Variants in TRIM23 observed in about 807,000 individuals in gnomAD.
TRIM23 encodes the protein E3 ubiquitin-protein ligase TRIM23.
In TRIM23, 27 loss-of-function variants were observed where a neutral mutation model predicts 71.0. The observed-to-expected ratio is 0.38, with a 90% confidence interval of 0.28 to 0.52. The LOEUF is 0.52. TRIM23 is among the 20% of genes least tolerant of loss of function. The probability of loss-of-function intolerance (pLI) is 0.84; values close to 1 mark genes in which losing one functional copy is unlikely to be tolerated. For synonymous variants in TRIM23, 234 were observed against 238.0 expected (o/e 0.98, Z 0.16); for missense variants, 482 against 692.3 (o/e 0.70, Z 3.41).
chr5:65,624,102 A>G (rs1755040129), intron 1 of TRIM23, 92 bp downstream of exon 1: 1 of 1,513,692 alleles, frequency 6.6e-7, no homozygotes, highest in Middle Eastern at 1.7e-4. Flanking sequence ...CATCCCACCT[A>G]TCGAAGCCTG....
intron 2 of TRIM23, among the ~76,000 whole-genome samples, chr5:65,615,192 G>A (rs995367244): frequency 1.3e-5 from 2 of 152,032 alleles, no homozygotes; most frequent in South Asian, 2.1e-4. Flanking sequence ...GTGAGCCACC[G>A]TGCCCAGCCT....
At chr5:65,619,263 G>A (rs941854553) in intron 1 of TRIM23, among the ~76,000 whole-genome samples, 1 of 152,086 alleles carries the variant, frequency 6.6e-6, no homozygotes, top group Admixed American at 6.6e-5. Context: ...TAACACTGAG[G>A]AAAGGACTAT....
intron 6 of TRIM23, 105 bp downstream of exon 6, chr5:65,609,138 G>T: frequency 1.8e-6 from 2 of 1,124,638 alleles, no homozygotes; most frequent in Non-Finnish European, 2.6e-6. Context: ...CAAAGTTACT[G>T]CATACAGCAG....
chr5:65,616,720 T>C (rs1412422777), intron 2 of TRIM23, among the ~76,000 whole-genome samples: 4 of 151,654 alleles, frequency 2.6e-5, no homozygotes, highest in African/African-American at 9.7e-5. Flanking sequence ...TTAAGCATAG[T>C]TTTTTTGTTT....
intron 2 of TRIM23, among the ~76,000 whole-genome samples, chr5:65,614,789 C>G (rs1485144227): frequency 1.3e-5 from 2 of 151,598 alleles, no homozygotes; most frequent in African/African-American, 4.8e-5. Context: ...GTGGTAAAGG[C>G]TGCACAACAA....
At chr5:65,606,333 C>G (rs143044235) in intron 6 of TRIM23, among the ~76,000 whole-genome samples, 3 of 152,156 alleles carry the variant, frequency 2.0e-5, no homozygotes, top group Admixed American at 6.5e-5. Context: ...GTAGTCCAGG[C>G]TACTCAGGAG....
Position 65,590,036 on chromosome 5 carries a change from A to G in TRIM23, c.*1733T>C. 1 of 330,240 alleles carries G rather than the reference A, an allele frequency of 3.0e-6. No homozygotes were observed. Among genetic ancestry groups the G allele is most frequent in the East Asian group, 5.0e-5 (1 of 20,170 alleles). 20.5% of individuals were successfully genotyped at this position (330,240 alleles called of 1,614,324 possible). On this transcript the variant is annotated 3_prime_UTR_variant, in exon 11 of 11. Coordinates refer to ENST00000231524, the MANE Select transcript of TRIM23 (RefSeq NM_001656.4). Reference sequence around the variant, plus strand: ...AAACACCTACCATTATACATACATTATAATCAGGCACAATTTTTCAACTGT... The same window carrying G: ...AAACACCTACCATTATACATACATTGTAATCAGGCACAATTTTTCAACTGT...
At chr5:65,594,390 A>C in intron 10 of TRIM23, 131 bp downstream of exon 10, 2 of 1,212,030 alleles carry the variant, frequency 1.7e-6, no homozygotes, top group Non-Finnish European at 2.3e-6. Context: ...ATTTTCACAT[A>C]GATTGTACTC....
At chr5:65,600,844 T>C (rs1754342765) in intron 7 of TRIM23, among the ~76,000 whole-genome samples, 1 of 151,884 alleles carries the variant, frequency 6.6e-6, no homozygotes, top group Admixed American at 6.6e-5. Flanking sequence ...AGGACAGAAA[T>C]AGACATATTC....
At chr5:65,595,257 T>A (rs1028690908) in intron 9 of TRIM23, among the ~76,000 whole-genome samples, 1 of 151,050 alleles carries the variant, frequency 6.6e-6, no homozygotes, top group East Asian at 2.0e-4. Flanking sequence ...TAAAAAAAAA[T>A]TAAAAATTAG....
At position 65,593,160 on chromosome 5, in the gene TRIM23, C is replaced by T. The variant is rs77873416; in HGVS notation, c.1546-1212G>A. Among the ~76,000 whole-genome samples, 846 of 152,226 alleles carry T rather than the reference C, an allele frequency of 5.6e-3. 8 individuals are homozygous for T. The highest frequency in any genetic ancestry group is 0.019 in the African/African-American group (786 of 41,512). On this transcript the variant is annotated intron_variant, in intron 10 of 10. Transcript: ENST00000231524. Reference sequence around the variant, plus strand: ...TAACCCACGAACAGTGTTGACCAGGCGCAGTGACTCACACCTGTAATCCCA... The same window carrying T: ...TAACCCACGAACAGTGTTGACCAGGTGCAGTGACTCACACCTGTAATCCCA...
rs149749557 is a variant in TRIM23 at position 65,609,224 on chromosome 5, C to T, written c.1044+19G>A. ...CTTAAACTTACAACTAAGTCCCTAACCACATTTAAACTACCTACCTGCTGC... is the reference window on the plus strand; with the variant it reads ...CTTAAACTTACAACTAAGTCCCTAATCACATTTAAACTACCTACCTGCTGC... On this transcript the variant is annotated intron_variant, in intron 6 of 10. Transcript: ENST00000231524. 9 of 1,611,638 alleles carry T rather than the reference C, an allele frequency of 5.6e-6. No individual in the cohort carries two copies. The African/African-American group carries it at 8.0e-5, about 14-fold the overall frequency.
Position 65,590,349 on chromosome 5 carries a change from C to A in TRIM23, c.*1420G>T. ...ATTACATTTATTTATTTACATATTGCCCATAATACTGATAGGCTTTTTTTT... is the reference window on the plus strand; with the variant it reads ...ATTACATTTATTTATTTACATATTGACCATAATACTGATAGGCTTTTTTTT... On this transcript the variant is annotated 3_prime_UTR_variant, in exon 11 of 11. Coordinates refer to ENST00000231524, the MANE Select transcript of TRIM23 (RefSeq NM_001656.4). 2 of 1,436,326 alleles carry A rather than the reference C, an allele frequency of 1.4e-6. No homozygotes were observed. The highest frequency in any genetic ancestry group is 1.9e-6 in the Non-Finnish European group (2 of 1,066,974). The allele number at this position is 1,436,326 out of a possible 1,614,324, so 89.0% of individuals were successfully genotyped here. A position where few individuals can be genotyped will look rare whatever the true frequency, so the allele number is the denominator to read the frequency against.
chr5:65,621,123 C>T (rs1032846340), intron 1 of TRIM23, among the ~76,000 whole-genome samples: 4 of 152,076 alleles, frequency 2.6e-5, no homozygotes, highest in African/African-American at 9.7e-5. Context: ...GAGGCCAAGG[C>T]GGGCAGATCA....
In TRIM23 at chr5:65,624,266, G is replaced by A. The variant is rs1196012407; in HGVS notation, c.9C>T (p.Thr3=). 5.6e-6 allele frequency: 9 copies of A among 1,614,128 alleles called. No individual in the cohort carries two copies. Among genetic ancestry groups the A allele is most frequent in the Non-Finnish European group, 7.6e-6 (9 of 1,180,024 alleles). Residue 3 remains threonine (T), a synonymous_variant, in exon 1 of 11, where the codon ACC becomes ACT. Transcript: ENST00000231524. ...CCGCTCCGAGCTTGTTTACAACCAG[G>A]GTAGCCATCCTCGCAGGGGAAGCGC... MA[T]LVVNKLGAGV...
Position 65,591,372 on chromosome 5 carries a change from C to G in TRIM23, c.*397G>C. ...GGTTAAAAGAAGCAGCTATACTTCA[C>G]TTGCTTCACACAGAGGTCTCATTAG... On this transcript the variant is annotated 3_prime_UTR_variant, in exon 11 of 11. Transcript: ENST00000231524. 1.3e-6 allele frequency: 2 copies of G among 1,529,404 alleles called. No homozygotes were observed. Among genetic ancestry groups the G allele is most frequent in the Non-Finnish European group, 1.7e-6 (2 of 1,143,232 alleles). 94.7% of individuals were successfully genotyped at this position (1,529,404 alleles called of 1,614,324 possible).
Position 65,614,099 on chromosome 5 carries a change from T to C in TRIM23, c.365A>G (p.Glu122Gly). The C allele has an allele frequency of 6.2e-7, 1 of 1,613,324 alleles. No homozygotes were observed. Among genetic ancestry groups the C allele is most frequent in the Non-Finnish European group, 8.5e-7 (1 of 1,179,756 alleles). The change falls in exon 3 of 11, where the codon GAG becomes GGG. Residue 122 changes from glutamate to glycine, a missense_variant and splice_region_variant. Around this residue, in one of 2 missense-constraint regions of TRIM23, gnomAD observed 175 missense variants for 196.5 expected, o/e 0.89. Coordinates refer to ENST00000231524, the MANE Select transcript of TRIM23 (RefSeq NM_001656.4). ...AAEESIGISGESIIRCDEDEA... is the reference protein window; with the variant it reads ...AAEESIGISGGSIIRCDEDEA... ...TATTTCACCAAGTATGATCAATACCTCTCCAGATATCCCAATGGATTCTTC... is the reference window on the plus strand; with the variant it reads ...TATTTCACCAAGTATGATCAATACCCCTCCAGATATCCCAATGGATTCTTC...
chr5:65,614,317 T>A, intron 2 of TRIM23, 98 bp from the exon 3 acceptor site: 1 of 1,150,808 alleles, frequency 8.7e-7, no homozygotes, highest in Non-Finnish European at 1.2e-6. Context: ...GTTCAGTAGT[T>A]AATGTCTAAA....
Position 65,604,796 on chromosome 5 carries a change from A to T in TRIM23, c.1179+115T>A, listed in dbSNP as rs1754454427. The T allele has an allele frequency of 1.2e-5, 12 of 1,025,994 alleles. No homozygotes were observed. In the South Asian group the frequency reaches 2.3e-4, roughly 19 times the overall value. The allele number at this position is 1,025,994 out of a possible 1,614,324, so 63.6% of individuals were successfully genotyped here. A position where few individuals can be genotyped will look rare whatever the true frequency, so the allele number is the denominator to read the frequency against. On this transcript the variant is annotated intron_variant, in intron 7 of 10. Transcript: ENST00000231524. ...ATTTTCCACTGATAAAAGTTTTCTT[A>T]AAAAGCCCCTAATTCATGAATTTCA...
Sources: gnomAD v4.1 joint callset for allele counts (sites outside exome capture counted in the v4.1 genomes callset) on GRCh38, gnomAD v4.1.1 for gene constraint, gnomAD v4.1.1 regional missense constraint, MANE v1.5 for transcripts, NCBI Gene and HGNC (gene_info 2026-07-23, HGNC 2026-07-21) for gene names.